TMEFF1: variants seen among roughly 807,000 people sequenced by gnomAD.
TMEFF1 encodes the protein tomoregulin-1.
Under a neutral mutation model 47.5 loss-of-function variants are expected in TMEFF1, and 20 were observed. That is an observed-to-expected ratio of 0.42 (90% confidence interval 0.30 to 0.61). The LOEUF (loss-of-function observed/expected upper bound fraction) is 0.61. Ranked by LOEUF, TMEFF1 falls within the 20% of genes least tolerant of loss-of-function variation. The probability of loss-of-function intolerance (pLI) is 0.19; values close to 1 mark genes in which losing one functional copy is unlikely to be tolerated. For synonymous variants in TMEFF1, 162 were observed against 166.3 expected (o/e 0.97, Z 0.20); for missense variants, 411 against 471.1 (o/e 0.87, Z 1.18).
chr9:100,535,267 T>C (rs1337499024), intron 5 of TMEFF1, among the ~76,000 whole-genome samples: 2 of 152,228 alleles, frequency 1.3e-5, no homozygotes, highest in Admixed American at 1.3e-4. Context: ...CACCTTTGTG[T>C]TTTCTACCTG....
At chr9:100,524,978 G>C (rs1838229296) in intron 5 of TMEFF1, among the ~76,000 whole-genome samples, 1 of 152,028 alleles carries the variant, frequency 6.6e-6, no homozygotes, top group Non-Finnish European at 1.5e-5. Context: ...TAAGAATCTG[G>C]GCCAGGCTTA....
At chr9:100,519,589 A>G (rs1356706189) in intron 5 of TMEFF1, among the ~76,000 whole-genome samples, 1 of 151,264 alleles carries the variant, frequency 6.6e-6, no homozygotes, top group Non-Finnish European at 1.5e-5. Flanking sequence ...TTAAAGAAAA[A>G]AATTCCCGGA....
Position 100,576,607 on chromosome 9 carries a change from G to C in TMEFF1, c.*7G>C. The C allele has an allele frequency of 1.2e-6, 2 of 1,607,388 alleles. No individual in the cohort carries two copies. Among genetic ancestry groups the C allele is most frequent in the Non-Finnish European group, 1.7e-6 (2 of 1,177,818 alleles). ...GTCATCCAGAATGGTTTAAACTGAT[G>C]ACTTTTATATGTACACTGACCATGT... On this transcript the variant is annotated 3_prime_UTR_variant, in exon 10 of 10. Coordinates refer to ENST00000374879, the MANE Select transcript of TMEFF1 (RefSeq NM_003692.5).
At chr9:100,547,701 AT>A (rs750086335) in intron 5 of TMEFF1, 42 bp from the exon 6 acceptor site, 2 of 1,428,180 alleles carry the variant, frequency 1.4e-6, no homozygotes, top group Non-Finnish European at 1.8e-6. Flanking sequence ...ATTGTGAAAT[AT>A]TTTTGTTGTA....
At chr9:100,527,532 C>T (rs372905769) in intron 5 of TMEFF1, among the ~76,000 whole-genome samples, 12 of 152,182 alleles carry the variant, frequency 7.9e-5, no homozygotes, top group African/African-American at 2.2e-4. Context: ...GCTTTTCCGA[C>T]GGGCTTAAAA....
In TMEFF1 at chr9:100,544,335, C is replaced by T. The variant is rs146272953; in HGVS notation, c.561-3409C>T. Among the ~76,000 whole-genome samples the T allele has an allele frequency of 6.2e-3, 937 of 152,296 alleles. 9 individuals carry two copies. The highest frequency in any genetic ancestry group is 0.021 in the African/African-American group (875 of 41,552). ...CATGTGGCTGGGGAGGCCTCACAAT[C>T]ATGGCAGAAGGCAAAGAGGACCAAG... On this transcript the variant is annotated intron_variant, in intron 5 of 9. Coordinates refer to ENST00000374879, the MANE Select transcript of TMEFF1 (RefSeq NM_003692.5).
chr9:100,576,455 A>C (rs1839356011), intron 9 of TMEFF1, 61 bp from the exon 10 acceptor site: 1 of 1,583,724 alleles, frequency 6.3e-7, no homozygotes, highest in Middle Eastern at 1.8e-4. Context: ...AAACATTTGA[A>C]ATATCCTGAA....
chr9:100,571,383 T>TAGCTA (rs1839236138), intron 8 of TMEFF1, among the ~76,000 whole-genome samples: 1 of 152,194 alleles, frequency 6.6e-6, no homozygotes, highest in African/African-American at 2.4e-5. Flanking sequence ...GCTAGCTATA[T>TAGCTA]TATAGTCACT....
At chr9:100,503,437 A>G (rs1346971288) in intron 2 of TMEFF1, among the ~76,000 whole-genome samples, 1 of 151,794 alleles carries the variant, frequency 6.6e-6, no homozygotes, top group African/African-American at 2.4e-5. Context: ...TCTCTGAACT[A>G]TGTGTCTTTC....
rs1464896261 is a variant in TMEFF1, at chr9:100,488,716, G to A, written c.197-10049G>A. On this transcript the variant is annotated intron_variant, in intron 1 of 9. Transcript: ENST00000374879. ...CCATTTTGTAGATGAAGAAATGGAG[G>A]CATAGGTGGTAAATTACTAAGCTCA... Among the ~76,000 whole-genome samples the A allele has an allele frequency of 3.3e-5, 5 of 152,158 alleles. No homozygotes were observed. In the East Asian group the frequency reaches 9.6e-4, roughly 29 times the overall value.
At chr9:100,534,587 C>T (rs1838468921) in intron 5 of TMEFF1, among the ~76,000 whole-genome samples, 1 of 152,152 alleles carries the variant, frequency 6.6e-6, no homozygotes, top group African/African-American at 2.4e-5. Flanking sequence ...ATATTTTCCT[C>T]CTTCGCTCAT....
chr9:100,492,432 T>C (rs1035433994), intron 1 of TMEFF1, among the ~76,000 whole-genome samples: 1 of 152,220 alleles, frequency 6.6e-6, no homozygotes, highest in Non-Finnish European at 1.5e-5. Flanking sequence ...TAGCTGACTC[T>C]TGAAGCACAA....
In TMEFF1 at chr9:100,531,733, A is replaced by T. The variant is rs905755651; in HGVS notation, c.560+14962A>T. 5.8e-4 allele frequency among the ~76,000 whole-genome samples: 89 copies of T among 152,280 alleles called. 1 individual carries two copies. Among genetic ancestry groups the T allele is most frequent in the African/African-American group, 2.0e-3 (84 of 41,558 alleles). ...GCCTTTCTTCACAGAATTGGAAAAA[A>T]CTACTTTAAAATTCATATGGAACCG... On this transcript the variant is annotated intron_variant, in intron 5 of 9. Coordinates refer to ENST00000374879, the MANE Select transcript of TMEFF1 (RefSeq NM_003692.5).
intron 1 of TMEFF1, among the ~76,000 whole-genome samples, chr9:100,485,588 T>C (rs988523743): frequency 6.6e-6 from 1 of 152,204 alleles, no homozygotes; most frequent in South Asian, 2.1e-4. Context: ...TTTCCCTATA[T>C]ATGTGGTTTC....
intron 6 of TMEFF1, among the ~76,000 whole-genome samples, chr9:100,548,616 A>T (rs1838778442): frequency 6.6e-6 from 1 of 152,194 alleles, no homozygotes; most frequent in Non-Finnish European, 1.5e-5. Context: ...CTAGGATTGT[A>T]TATCTTTCTT....
At chr9:100,494,429 A>G (rs923329963) in intron 1 of TMEFF1, among the ~76,000 whole-genome samples, 1 of 152,172 alleles carries the variant, frequency 6.6e-6, no homozygotes, top group African/African-American at 2.4e-5. Context: ...AGGGCTTTTT[A>G]AAAAATGTAT....
chr9:100,514,406 A>T (rs1162524380), intron 4 of TMEFF1, among the ~76,000 whole-genome samples: 1 of 151,954 alleles, frequency 6.6e-6, no homozygotes, highest in Non-Finnish European at 1.5e-5. Context: ...GGTGTGAAGG[A>T]TCAGATAATA....
intron 1 of TMEFF1, among the ~76,000 whole-genome samples, chr9:100,494,221 A>AG: frequency 6.6e-6 from 1 of 151,560 alleles, no homozygotes; most frequent in Non-Finnish European, 1.5e-5. Context: ...AAAAAAAAAA[A>AG]AAAAAAAAAG....
chr9:100,527,213 A>C (rs1838278152), intron 5 of TMEFF1, among the ~76,000 whole-genome samples: 1 of 152,088 alleles, frequency 6.6e-6, no homozygotes, highest in African/African-American at 2.4e-5. Context: ...CTTTTTAAAA[A>C]ATGCCTGGAT....
Sources: allele counts gnomAD v4.1 joint callset (sites outside exome capture counted in the v4.1 genomes callset), GRCh38; gene constraint gnomAD v4.1.1; transcripts MANE v1.5; gene names NCBI Gene and HGNC (gene_info 2026-07-23, HGNC 2026-07-21).